The following SRFBP1 variants were observed in gnomAD, a reference collection of about 807,000 sequenced individuals.
SRFBP1 encodes the protein serum response factor binding protein 1, also known as serum response factor-binding protein 1.
Under a neutral mutation model 45.5 loss-of-function variants are expected in SRFBP1, and 47 were observed. The observed-to-expected ratio is 1.03, with a 90% CI of 0.82 to 1.32. The LOEUF is 1.32. Among genes scored for constraint, SRFBP1 ranks in the 40% most tolerant of loss-of-function variants. The pLI is 0.00. For missense variants in SRFBP1, 621 were observed against 484.6 expected (o/e 1.28, Z -2.64); for synonymous variants, 203 against 166.3 (o/e 1.22, Z -1.70).
chr5:122,002,942 A>G (rs185326350), intron 4 of SRFBP1, among the ~76,000 whole-genome samples: 24 of 152,346 alleles, frequency 1.6e-4, no homozygotes, highest in African/African-American at 5.8e-4. Context: ...GTCATATTAA[A>G]TTTTAAGGCA....
At chr5:122,025,009 G>A (rs963750761) in intron 7 of SRFBP1, among the ~76,000 whole-genome samples, 1 of 150,540 alleles carries the variant, frequency 6.6e-6, no homozygotes, top group Non-Finnish European at 1.5e-5. Context: ...TGTGCACAAC[G>A]TGCAGATTTG....
intron 2 of SRFBP1, among the ~76,000 whole-genome samples, chr5:122,053,634 G>A (rs1052301878): frequency 5.9e-5 from 9 of 152,024 alleles, no homozygotes; most frequent in Non-Finnish European, 1.3e-4. Context: ...AAGTGGGGCC[G>A]CTGGGCTGGA....
rs565091450 is a variant in SRFBP1, at chr5:122,059,384, T to A, written n.312-15931T>A. On this transcript the variant is annotated intron_variant and non_coding_transcript_variant, in intron 2 of 2. Transcript: ENST00000504881. ...GTATGTGTTTTTTATCCCATCCCTC[T>A]GACCTCATCCCCTTACATCTCTGAT... is the stretch of plus-strand genomic sequence containing the variant. 3.4e-3 allele frequency among the ~76,000 whole-genome samples: 516 copies of A among 152,224 alleles called. 6 individuals carry two copies. Among genetic ancestry groups the A allele is most frequent in the African/African-American group, 0.012 (494 of 41,542 alleles).
chr5:121,997,285 C>A (rs1469355265), intron 4 of SRFBP1, among the ~76,000 whole-genome samples: 2 of 149,216 alleles, frequency 1.3e-5, no homozygotes, highest in Non-Finnish European at 3.0e-5. Context: ...CTACAGTAAC[C>A]AAAACAGCAT....
chr5:121,998,020 G>T (rs1752768654), intron 4 of SRFBP1, among the ~76,000 whole-genome samples: 1 of 151,918 alleles, frequency 6.6e-6, no homozygotes, highest in Non-Finnish European at 1.5e-5. Flanking sequence ...GAAACAACAG[G>T]TGCTGGAGAG....
rs1310732011 is a variant in SRFBP1 at position 121,997,360 on chromosome 5, G to A, written c.270+2690G>A. Among the ~76,000 whole-genome samples the A allele has an allele frequency of 6.6e-5, 10 of 150,548 alleles. No individual in the cohort carries two copies. The South Asian group carries it at 1.0e-3, about 16-fold the overall frequency. On this transcript the variant is annotated intron_variant, in intron 4 of 7. Transcript: ENST00000339397. ...GAACAGAGCCCTCAGAAATAACGCC[G>A]CATACCTATAACTGTCTGATCTTTG...
chr5:121,998,742 C>A (rs1580516641), intron 4 of SRFBP1, among the ~76,000 whole-genome samples: 1 of 151,402 alleles, frequency 6.6e-6, no homozygotes, highest in Non-Finnish European at 1.5e-5. Flanking sequence ...TACATTTACT[C>A]TTTGAAAGAT....
At chr5:122,009,951 T>C (rs1753056273) in intron 4 of SRFBP1, among the ~76,000 whole-genome samples, 1 of 152,136 alleles carries the variant, frequency 6.6e-6, no homozygotes, top group African/African-American at 2.4e-5. Flanking sequence ...CTATGCTTCT[T>C]TTCTGGCACT....
intron 1 of SRFBP1, among the ~76,000 whole-genome samples, chr5:121,969,553 G>C (rs1189601615): frequency 6.6e-6 from 1 of 151,788 alleles, no homozygotes; most frequent in African/African-American, 2.4e-5. Context: ...TTTATTTATA[G>C]TATTTTTATA....
chr5:122,003,920 G>T (rs970056368), intron 4 of SRFBP1, among the ~76,000 whole-genome samples: 1 of 152,048 alleles, frequency 6.6e-6, no homozygotes, highest in African/African-American at 2.4e-5. Context: ...ACTTGCTAGT[G>T]AGTTTCCTTT....
intron 2 of SRFBP1, among the ~76,000 whole-genome samples, chr5:122,050,360 A>T (rs773836934): frequency 6.6e-6 from 1 of 152,072 alleles, no homozygotes; most frequent in Non-Finnish European, 1.5e-5. Context: ...CTGGCTGTGG[A>T]TCCATCTGGT....
chr5:121,978,045 C>G (rs1752339590), intron 3 of SRFBP1, among the ~76,000 whole-genome samples: 1 of 152,104 alleles, frequency 6.6e-6, no homozygotes, highest in Non-Finnish European at 1.5e-5. Flanking sequence ...AGTTACTTAA[C>G]TGGAGAAGGA....
chr5:122,007,668 G>A (rs941416898), intron 4 of SRFBP1, among the ~76,000 whole-genome samples: 22 of 150,970 alleles, frequency 1.5e-4, no homozygotes, highest in African/African-American at 5.4e-4. Context: ...TGTGTTGGCT[G>A]GTCCAGTGGG....
intron 4 of SRFBP1, among the ~76,000 whole-genome samples, chr5:122,018,864 C>A (rs1369051423): frequency 1.3e-5 from 2 of 152,070 alleles, no homozygotes; most frequent in Non-Finnish European, 2.9e-5. Context: ...AGTAGTCTCA[C>A]CCAGTTTAGC....
intron 2 of SRFBP1, among the ~76,000 whole-genome samples, chr5:122,038,724 T>C (rs1360862012): frequency 1.3e-5 from 2 of 152,194 alleles, no homozygotes; most frequent in African/African-American, 4.8e-5. Flanking sequence ...GAAAGAACTT[T>C]AAGAGATGCT....
At chr5:122,050,269 G>T (rs945775857) in intron 2 of SRFBP1, among the ~76,000 whole-genome samples, 1 of 152,084 alleles carries the variant, frequency 6.6e-6, no homozygotes. Context: ...ATAATGAGCT[G>T]AGGAGGAGTT....
chr5:121,998,127 A>G (rs2112679984), intron 4 of SRFBP1, among the ~76,000 whole-genome samples: 1 of 150,888 alleles, frequency 6.6e-6, no homozygotes, highest in South Asian at 2.1e-4. Context: ...GGGATCTAGA[A>G]CTAGAAATAC....
chr5:122,049,855 C>A (rs907089726), intron 2 of SRFBP1, among the ~76,000 whole-genome samples: 12 of 152,308 alleles, frequency 7.9e-5, no homozygotes, highest in Middle Eastern at 6.8e-3. Context: ...ATACCAGAAT[C>A]TCTGGGACAC....
chr5:122,057,429 A>G (rs1754099014), intron 2 of SRFBP1, among the ~76,000 whole-genome samples: 1 of 151,680 alleles, frequency 6.6e-6, no homozygotes, highest in African/African-American at 2.4e-5. Flanking sequence ...AAATGAAAAA[A>G]CATATATGCC....
Sources: allele counts gnomAD v4.1 joint callset (sites outside exome capture counted in the v4.1 genomes callset), GRCh38; gene constraint gnomAD v4.1.1; transcripts MANE v1.5; gene names NCBI Gene and HGNC (gene_info 2026-07-23, HGNC 2026-07-21).